MIIP: variants seen among roughly 807,000 people sequenced by gnomAD.
MIIP encodes the protein migration and invasion-inhibitory protein.
Under a neutral mutation model 44.8 loss-of-function variants are expected in MIIP, and 44 were observed. The observed-to-expected ratio is 0.98, with a 90% CI of 0.77 to 1.26. The LOEUF is 1.26. MIIP is among the 50% of genes most tolerant of loss of function. The pLI is 0.00. For missense variants in MIIP, 496 were observed against 511.7 expected (o/e 0.97, Z 0.30); for synonymous variants, 225 against 218.3 (o/e 1.03, Z -0.27).
intron 8 of MIIP, 56 bp downstream of exon 8, chr1:12,030,180 C>T (rs1640206757): frequency 5.9e-6 from 9 of 1,534,594 alleles, no homozygotes; most frequent in Non-Finnish European, 8.1e-6. Context: ...TCAGACTGGC[C>T]CAGATCCCCA....
chr1:12,024,226 A>G (rs1201661794), intron 4 of MIIP: 1 of 152,098 alleles, frequency 6.6e-6, no homozygotes, highest in Non-Finnish European at 1.5e-5. Context: ...ATGTTTGAAC[A>G]TTTGTTATGT....
At chr1:12,025,368 C>T (rs1213576653) in intron 4 of MIIP, among the ~76,000 whole-genome samples, 1 of 152,020 alleles carries the variant, frequency 6.6e-6, no homozygotes, top group African/African-American at 2.4e-5. Flanking sequence ...CTGGAATTCC[C>T]TTCCTTTTTA....
At chr1:12,031,562 C>A in intron 9 of MIIP, 159 bp downstream of exon 9, 1 of 1,588,888 alleles carries the variant, frequency 6.3e-7, no homozygotes, top group Non-Finnish European at 8.6e-7. Flanking sequence ...CCAGCCCTGA[C>A]CCTAGCCATC....
At chr1:12,031,690 G>T in intron 9 of MIIP, 32 bp from the exon 10 acceptor site, 2 of 1,613,922 alleles carry the variant, frequency 1.2e-6, no homozygotes, top group Non-Finnish European at 1.7e-6. Context: ...CTTTCAAGTG[G>T]CCCCCCTGAG....
chr1:12,025,511 A>T (rs1202518563), intron 4 of MIIP, among the ~76,000 whole-genome samples: 3 of 152,138 alleles, frequency 2.0e-5, no homozygotes, highest in Non-Finnish European at 4.4e-5. Context: ...GTGCACTGTC[A>T]CTTTTGACAT....
Position 12,028,610 on chromosome 1 carries a change from A to G in MIIP, c.548-423A>G, listed in dbSNP as rs145524773. 2.2e-3 allele frequency: 383 copies of G among 175,176 alleles called. 9 individuals are homozygous for G. The East Asian group carries it at 0.036, about 16-fold the overall frequency. The allele number at this position is 175,176 out of a possible 1,614,324, so 10.9% of individuals were successfully genotyped here. On this transcript the variant is annotated intron_variant, in intron 4 of 9. Transcript: ENST00000235332. ...CCTTCCCTGGTATGGCTGCCCGGCC[A>G]TACTAGGCTCTGACGCTGCTCTCTT...
At position 12,021,735 on chromosome 1, in the gene MIIP, G is replaced by C; in HGVS notation, c.9G>C (p.Glu3Asp). 6.2e-7 allele frequency: 1 copy of C among 1,612,572 alleles called. No homozygotes were observed. The highest frequency in any genetic ancestry group is 8.5e-7 in the Non-Finnish European group (1 of 1,179,690). The change falls in exon 2 of 10, where the codon GAG becomes GAC. Residue 3 changes from glutamate to aspartate, a missense_variant. Transcript: ENST00000235332. Reference protein sequence around the residue: MVEAEELAQLRLL... With the variant: MVDAEELAQLRLL... The stretch of plus-strand genomic sequence containing the variant: ...GCTGAGAGAGGCCCAGGATGGTGGA[G>C]GCTGAGGAACTGGCACAGCTGCGGC...
At chr1:12,023,036 C>T in intron 4 of MIIP, 119 bp downstream of exon 4, 2 of 711,606 alleles carry the variant, frequency 2.8e-6, no homozygotes, top group Non-Finnish European at 4.7e-6. Context: ...TCTGACCGTG[C>T]CATCCTCCGT....
rs181417015 is a variant in MIIP, at chr1:12,023,586, G to T, written c.547+669G>T. ...GCCTGGCTAATTTGTTTGTATTTTT[G>T]TTTTTTTTAGTAGAGACGGGATTTC... On this transcript the variant is annotated intron_variant, in intron 4 of 9. Transcript: ENST00000235332. Among the ~76,000 whole-genome samples, 328 of 149,008 alleles carry T rather than the reference G, an allele frequency of 2.2e-3. 6 individuals are homozygous for T. The East Asian group carries it at 0.041, about 18-fold the overall frequency.
intron 4 of MIIP, among the ~76,000 whole-genome samples, chr1:12,028,370 C>T (rs1012706386): frequency 6.6e-6 from 1 of 152,180 alleles, no homozygotes. Context: ...TGTGTCCCTC[C>T]CATTCCCCAG....
At chr1:12,030,631 C>T (rs1389155048) in intron 8 of MIIP, among the ~76,000 whole-genome samples, 10 of 134,034 alleles carry the variant, frequency 7.5e-5, no homozygotes, top group Non-Finnish European at 7.7e-5. Context: ...GGCATGGTCT[C>T]AGCTCACTGC....
In MIIP at chr1:12,031,408, G is replaced by A. The variant is rs934837765; in HGVS notation, c.1080+5G>A. 8 of 1,610,952 alleles carry A rather than the reference G, an allele frequency of 5.0e-6. No individual in the cohort carries two copies. Among genetic ancestry groups the A allele is most frequent in the African/African-American group, 4.0e-5 (3 of 74,798 alleles). On this transcript the variant is annotated splice_donor_5th_base_variant and intron_variant, in intron 9 of 9. Transcript: ENST00000235332. ...ACCAGCAGCCCTTTTCACCCGGTAC[G>A]GTCCAGATCGCATCCTAGCCTGGGG...
intron 4 of MIIP, among the ~76,000 whole-genome samples, chr1:12,024,823 C>T (rs1247585403): frequency 6.6e-6 from 1 of 152,178 alleles, no homozygotes; most frequent in Non-Finnish European, 1.5e-5. Context: ...AAAAACTTCT[C>T]TCCCCATTAA....
At chr1:12,029,731 C>T (rs2295288) in intron 6 of MIIP, 34 bp from the exon 7 acceptor site, 44 of 1,593,680 alleles carry the variant, frequency 2.8e-5, no homozygotes, top group Middle Eastern at 3.4e-4. Flanking sequence ...GTTCCTGGCT[C>T]AGGGAGAGCT....
At chr1:12,027,101 C>T (rs1309888529) in intron 4 of MIIP, among the ~76,000 whole-genome samples, 2 of 151,748 alleles carry the variant, frequency 1.3e-5, no homozygotes, top group Non-Finnish European at 2.9e-5. Flanking sequence ...CTCCGCCTCC[C>T]AGGTTCAAGT....
intron 4 of MIIP, among the ~76,000 whole-genome samples, chr1:12,026,168 G>A (rs1205120931): frequency 6.6e-6 from 1 of 152,080 alleles, no homozygotes; most frequent in Non-Finnish European, 1.5e-5. Flanking sequence ...AGCCAGGTGT[G>A]GTGGCGGGCA....
chr1:12,020,886 A>T (rs1365414133), intron 1 of MIIP, among the ~76,000 whole-genome samples: 3 of 151,812 alleles, frequency 2.0e-5, no homozygotes, highest in African/African-American at 7.3e-5. Flanking sequence ...GTCTCTCGCC[A>T]CGTTGGCTAG....
chr1:12,021,873 G>A (rs1002557257), intron 2 of MIIP, 33 bp downstream of exon 2: 2 of 1,535,132 alleles, frequency 1.3e-6, no homozygotes, highest in African/African-American at 2.7e-5. Flanking sequence ...CCAGAGGAAG[G>A]GGCTACCTGA....
rs769648587 is a variant in MIIP at position 12,029,840 on chromosome 1, G to A, written c.791G>A (p.Arg264Lys). The stretch of plus-strand genomic sequence containing the variant: ...CCCGGTACCCCCTGCCGCCTGTGCA[G>A]GACACCGCGAGACCAGCAGGGCCCT... ...VDPGTPCRLC[R>K]TPRDQQGPGT... Residue 264 changes from arginine (R) to lysine (K), a missense_variant, in exon 7 of 10, where the codon AGG becomes AAG. By Grantham distance (26) the Arg-to-Lys change is conservative. Coordinates refer to ENST00000235332, the MANE Select transcript of MIIP (RefSeq NM_021933.4). 9.9e-6 allele frequency: 16 copies of A among 1,613,238 alleles called. No individual in the cohort carries two copies. The African/African-American group carries it at 2.0e-4, about 20-fold the overall frequency.
Sources: gnomAD v4.1 joint callset for allele counts (sites outside exome capture counted in the v4.1 genomes callset) on GRCh38, gnomAD v4.1.1 for gene constraint, MANE v1.5 for transcripts, NCBI Gene and HGNC (gene_info 2026-07-23, HGNC 2026-07-21) for gene names.